The following RYR2 variants were observed in gnomAD, a reference collection of about 807,000 sequenced individuals.
RYR2 encodes cardiac muscle ryanodine receptor-calcium release channel.
Under a neutral mutation model 601.1 loss-of-function variants are expected in RYR2, and 227 were observed. The ratio of observed to expected loss-of-function variants is 0.38; its 90% CI spans 0.34 to 0.42. The LOEUF is 0.42. Among genes scored for constraint, RYR2 ranks in the 10% least tolerant of loss-of-function variants. RYR2 has a pLI of 1.00. For missense variants in RYR2, 4,646 were observed against 6,156.5 expected (o/e 0.75, Z 8.21); for synonymous variants, 2,223 against 2,175.1 (o/e 1.02, Z -0.61).
intron 10 of RYR2, among the ~76,000 whole-genome samples, chr1:237,410,862 G>T (rs1292179884): frequency 6.6e-6 from 1 of 152,152 alleles, no homozygotes; most frequent in Non-Finnish European, 1.5e-5. Context: ...GGTAGGAAAA[G>T]AAGTATTCTT....
intron 85 of RYR2, among the ~76,000 whole-genome samples, chr1:237,771,364 T>C (rs535788435): frequency 1.4e-3 from 210 of 151,938 alleles, no homozygotes; most frequent in African/African-American, 4.9e-3. Context: ...TGAGCTGTGA[T>C]TGCCCCACTG....
chr1:237,631,573 G>T, intron 42 of RYR2, 32 bp downstream of exon 42: 3 of 913,868 alleles, frequency 3.3e-6, no homozygotes, highest in South Asian at 1.4e-5. Flanking sequence ...ATGCTATTTA[G>T]TATCATCTCC....
chr1:237,648,479 T>G lies in RYR2; in HGVS notation c.7378T>G (p.Phe2460Val). 6.2e-7 allele frequency: 1 copy of G among 1,610,602 alleles called. No homozygotes were observed. Among genetic ancestry groups the G allele is most frequent in the South Asian group, 1.1e-5 (1 of 90,180 alleles). The change falls in exon 49 of 105, where the codon TTT (phenylalanine) becomes GTT (valine). Residue 2460 changes from phenylalanine to valine, a missense_variant. Physicochemically the swap from Phe to Val is conservative, Grantham distance 50. This residue lies in a region of RYR2 where 1,497 missense variants were observed against 1,842.6 expected (regional missense o/e 0.81). Coordinates refer to ENST00000366574, the MANE Select transcript of RYR2 (RefSeq NM_001035.3). The stretch of plus-strand genomic sequence containing the variant: ...GGTGGAACCTGACATGTCTGCGGGG[T>G]TTTGCCCAGATCACAAGGCAGCCAT... ...NVVEPDMSAG[F>V]CPDHKAAMVL... is the part of the protein sequence containing the mutation.
At chr1:237,503,244 A>G (rs1223446606) in intron 21 of RYR2, 45 bp from the exon 22 acceptor site, 3 of 1,512,990 alleles carry the variant, frequency 2.0e-6, no homozygotes, top group Non-Finnish European at 2.7e-6. Context: ...GAAAACTTTA[A>G]TGTACACCAG....
rs925218695 is a variant in RYR2 at position 237,712,609 on chromosome 1, A to G, written c.10323+772A>G. On this transcript the variant is annotated intron_variant, in intron 71 of 104. Transcript: ENST00000366574. Reference sequence around the variant, plus strand: ...AGTATAATGTATGTTTAACATGTCAACACTATGTGTCCATCAAGTGTGAAT... The same window carrying G: ...AGTATAATGTATGTTTAACATGTCAGCACTATGTGTCCATCAAGTGTGAAT... 2.0e-5 allele frequency among the ~76,000 whole-genome samples: 3 copies of G among 152,208 alleles called. 1 individual carries two copies. Among genetic ancestry groups the G allele is most frequent in the Admixed American group, 6.5e-5 (1 of 15,284 alleles).
chr1:237,652,683 A>G (rs1200495522), intron 51 of RYR2, among the ~76,000 whole-genome samples: 1 of 152,158 alleles, frequency 6.6e-6, no homozygotes, highest in African/African-American at 2.4e-5. Flanking sequence ...TTTTTTTGTC[A>G]TCTTCAATAG....
intron 63 of RYR2, among the ~76,000 whole-genome samples, chr1:237,697,297 T>G (rs989912193): frequency 6.7e-6 from 1 of 148,362 alleles, no homozygotes; most frequent in Admixed American, 6.9e-5. Context: ...ATCCCTGTTA[T>G]TCTACCCAGT....
Position 237,821,357 on chromosome 1 carries a change from A to G in RYR2, c.14590+2165A>G, listed in dbSNP as rs186421391. On this transcript the variant is annotated intron_variant, in intron 101 of 104. Coordinates refer to ENST00000366574, the MANE Select transcript of RYR2 (RefSeq NM_001035.3). ...AGGCAGCAATCTTTGCTGTTCTGCAACCTTCACTGGTGATACCCAGGCAAA... is the reference window on the plus strand; with the variant it reads ...AGGCAGCAATCTTTGCTGTTCTGCAGCCTTCACTGGTGATACCCAGGCAAA... Among the ~76,000 whole-genome samples the G allele has an allele frequency of 1.3e-3, 191 of 152,212 alleles. 1 individual carries two copies. The highest frequency in any genetic ancestry group is 4.2e-3 in the African/African-American group (176 of 41,544).
intron 24 of RYR2, among the ~76,000 whole-genome samples, chr1:237,522,782 C>T (rs1667216929): frequency 6.6e-6 from 1 of 152,168 alleles, no homozygotes; most frequent in Non-Finnish European, 1.5e-5. Context: ...TACTTTTCTG[C>T]AGCTATATAG....
At chr1:237,236,972 A>G (rs1029849179) in intron 1 of RYR2, among the ~76,000 whole-genome samples, 4 of 152,156 alleles carry the variant, frequency 2.6e-5, no homozygotes, top group African/African-American at 9.7e-5. Context: ...CCATATGTCA[A>G]GGGAGGGACT....
At chr1:237,744,704 T>C (rs1691918345) in intron 80 of RYR2, among the ~76,000 whole-genome samples, 2 of 118,496 alleles carry the variant, frequency 1.7e-5, no homozygotes, top group South Asian at 6.1e-4. Flanking sequence ...ACTATTCTAC[T>C]TTGCCTTCTT....
At chr1:237,822,254 A>G (rs1466386106) in intron 101 of RYR2, among the ~76,000 whole-genome samples, 1 of 152,182 alleles carries the variant, frequency 6.6e-6, no homozygotes, top group East Asian at 1.9e-4. Flanking sequence ...TGAAGGAAAA[A>G]ATGTTAATTA....
chr1:237,737,105 A>T (rs934642940), intron 79 of RYR2, among the ~76,000 whole-genome samples: 1 of 152,162 alleles, frequency 6.6e-6, no homozygotes, highest in African/African-American at 2.4e-5. Flanking sequence ...CTCTTGATTT[A>T]AGAATAGGTT....
chr1:237,310,956 CATATCGTGACAAA>C (rs1182457329), intron 2 of RYR2, among the ~76,000 whole-genome samples: 1 of 152,136 alleles, frequency 6.6e-6, no homozygotes, highest in Non-Finnish European at 1.5e-5. Flanking sequence ...TTGATTTGAG[CATATCGTGACAAA>C]ATATCAATTT....
intron 34 of RYR2, among the ~76,000 whole-genome samples, chr1:237,600,723 G>A (rs367678095): frequency 3.3e-5 from 5 of 152,118 alleles, no homozygotes; most frequent in East Asian, 1.9e-4. Flanking sequence ...TCAATATCCA[G>A]AATATATAAG....
chr1:237,470,047 T>C (rs1660537415), intron 17 of RYR2, among the ~76,000 whole-genome samples: 1 of 152,236 alleles, frequency 6.6e-6, no homozygotes. Flanking sequence ...AATCTACTGC[T>C]CTTCCATCTG....
chr1:237,660,769 A>G lies in RYR2; in HGVS notation c.8299-41A>G, dbSNP rs1218067549. ...AGCGTTACTTAACATTTTTATTTACATTCATAATATATCTGTTGTTTCTTG... is the reference window on the plus strand; with the variant it reads ...AGCGTTACTTAACATTTTTATTTACGTTCATAATATATCTGTTGTTTCTTG... On this transcript the variant is annotated intron_variant, in intron 55 of 104. Transcript: ENST00000366574. The G allele has an allele frequency of 1.9e-5, 28 of 1,496,480 alleles. No homozygotes were observed. The East Asian group carries it at 6.3e-4, about 33-fold the overall frequency. 92.7% of individuals were successfully genotyped at this position (1,496,480 alleles called of 1,614,324 possible).
At position 237,610,545 on chromosome 1, in the gene RYR2, C is replaced by G. The variant is rs569510011; in HGVS notation, c.4684-217C>G. Among the ~76,000 whole-genome samples the G allele has an allele frequency of 1.3e-5, 2 of 152,110 alleles. No individual in the cohort carries two copies. Among genetic ancestry groups the G allele is most frequent in the African/African-American group, 4.8e-5 (2 of 41,424 alleles). ...CACATCCCGAAACCTGTTTGACTGC[C>G]CGGAAGGTGTAGGTATTCTCTCTCA... On this transcript the variant is annotated intron_variant, in intron 35 of 104. Coordinates refer to ENST00000366574, the MANE Select transcript of RYR2 (RefSeq NM_001035.3). The surrounding 1 kb of genome is among the most constrained non-coding windows in gnomAD (Gnocchi z 4.9).
chr1:237,488,267 A>T (rs1662917775), intron 17 of RYR2, among the ~76,000 whole-genome samples: 1 of 152,226 alleles, frequency 6.6e-6, no homozygotes, highest in East Asian at 1.9e-4. Context: ...GTAGCAAAAT[A>T]TCACAAACTG....
Sources: allele counts gnomAD v4.1 joint callset (sites outside exome capture counted in the v4.1 genomes callset), GRCh38; gene constraint gnomAD v4.1.1; regional missense constraint gnomAD v4.1.1; non-coding constraint Gnocchi (gnomAD v3.1); transcripts MANE v1.5; gene names NCBI Gene and HGNC (gene_info 2026-07-23, HGNC 2026-07-21).